Variants in RGS9 observed in about 807,000 individuals in gnomAD.
The protein encoded by RGS9 is regulator of G-protein signalling 9.
A neutral mutation model predicts 102.0 loss-of-function variants in RGS9; 78 were observed. The ratio of observed to expected loss-of-function variants is 0.76; its 90% CI spans 0.64 to 0.92. The LOEUF (loss-of-function observed/expected upper bound fraction) is 0.92. RGS9 is among the 40% of genes least tolerant of loss of function. The pLI, the probability that RGS9 is intolerant of heterozygous loss-of-function variation, is 0.00. For missense variants in RGS9, 833 were observed against 866.1 expected (o/e 0.96, Z 0.48); for synonymous variants, 353 against 318.6 (o/e 1.11, Z -1.15).
At chr17:65,208,711 C>T (rs954496) in intron 16 of RGS9, among the ~76,000 whole-genome samples, 4,279 of 152,246 alleles carry the variant, frequency 0.028, 206 homozygotes, top group African/African-American at 0.096. Flanking sequence ...CACTGGCAAT[C>T]GTGTGTCCTG....
chr17:65,146,309 G>T (rs1295126950), intron 1 of RGS9, among the ~76,000 whole-genome samples: 2 of 152,186 alleles, frequency 1.3e-5, no homozygotes, highest in Non-Finnish European at 2.9e-5. Context: ...GAAAATCTTG[G>T]CCTGGCGTGG....
In RGS9 at chr17:65,180,242, G is replaced by A. The variant is rs369407085; in HGVS notation, c.654+2439G>A. ...GAAGCATCTCCATGAAGACCTGGGA[G>A]TGCAGAGGCTTTGGATTTTTGTCTC... On this transcript the variant is annotated intron_variant, in intron 9 of 18. Transcript: ENST00000262406. 4.1e-4 allele frequency among the ~76,000 whole-genome samples: 62 copies of A among 152,298 alleles called. 1 individual carries two copies. Among genetic ancestry groups the A allele is most frequent in the African/African-American group, 1.4e-3 (59 of 41,560 alleles).
At chr17:65,170,048 CTTTTTTTTTTT>C (rs993959757) in intron 8 of RGS9, among the ~76,000 whole-genome samples, 34 of 122,128 alleles carry the variant, frequency 2.8e-4, no homozygotes, top group Admixed American at 7.5e-4. Flanking sequence ...CTTCTGCATT[CTTTTTTTTTTT>C]TTTTTTTTTT....
At chr17:65,207,778 C>T in intron 15 of RGS9, 144 bp from the exon 16 acceptor site, 3 of 609,314 alleles carry the variant, frequency 4.9e-6, no homozygotes, top group South Asian at 4.9e-5. Context: ...CTCAACACCT[C>T]CCCCAACACC....
rs1256405645 is a variant in RGS9, at chr17:65,215,478, A to ATCTT, written c.1407+4880_1407+4883dup. On this transcript the variant is annotated intron_variant, in intron 17 of 18. Transcript: ENST00000262406. ...TTTCTCTTTCTTTCTTTCTTTCTCT[A>ATCTT]TCTTTCTTTCGTTCTTTCGTTCTTT... is the stretch of plus-strand genomic sequence containing the variant. Among the ~76,000 whole-genome samples the ATCTT allele has an allele frequency of 4.2e-3, 483 of 114,884 alleles. 5 individuals carry two copies. Among genetic ancestry groups the ATCTT allele is most frequent in the Non-Finnish European group, 4.7e-3 (259 of 55,652 alleles). 75.4% of individuals were successfully genotyped at this position (114,884 alleles called of 152,430 possible). A position where few individuals can be genotyped will look rare whatever the true frequency, so the allele number is the denominator to read the frequency against.
At chr17:65,204,435 G>A in intron 15 of RGS9, 134 bp downstream of exon 15, 1 of 1,057,682 alleles carries the variant, frequency 9.5e-7, no homozygotes, top group Admixed American at 2.0e-5. Context: ...ATGCAGCTAA[G>A]CATGGGGGCT....
At position 65,225,368 on chromosome 17, in the gene RGS9, G is replaced by C. The variant is rs200037151; in HGVS notation, c.1774G>C (p.Ala592Pro). The C allele has an allele frequency of 1.2e-6, 2 of 1,611,756 alleles. No homozygotes were observed. Among genetic ancestry groups the C allele is most frequent in the Middle Eastern group, 1.6e-4 (1 of 6,082 alleles). The change falls in exon 18 of 19, where the codon GCC (alanine) becomes CCC (proline). Residue 592 changes from alanine (A) to proline (P), a missense_variant. By Grantham distance (27) the Ala-to-Pro change is conservative. Transcript: ENST00000262406. ...CAGGTTTCTGAGACGAGGCTGTCTGGCCTCACCTGTCTTTGCCAGGCTCTC... is the reference window on the plus strand; with the variant it reads ...CAGGTTTCTGAGACGAGGCTGTCTGCCCTCACCTGTCTTTGCCAGGCTCTC... ...FSRFLRRGCL[A>P]SPVFARLSPK...
intron 9 of RGS9, chr17:65,188,904 C>T (rs912007829): frequency 3.9e-5 from 10 of 255,660 alleles, no homozygotes; most frequent in East Asian, 9.9e-5. Flanking sequence ...CTTGAGCCAC[C>T]GCACCTGGCC....
intron 15 of RGS9, among the ~76,000 whole-genome samples, chr17:65,205,831 AGGTTATGTGATATT>A (rs1245082786): frequency 2.0e-5 from 3 of 152,060 alleles, no homozygotes; most frequent in African/African-American, 4.8e-5. Flanking sequence ...TATATGATAT[AGGTTATGTGATATT>A]GGTTATGTGA....
Position 65,190,293 on chromosome 17 carries a change from G to T in RGS9, c.746+57G>T, listed in dbSNP as rs1203091094. 2.9e-6 allele frequency: 4 copies of T among 1,385,574 alleles called. No homozygotes were observed. In the African/African-American group the frequency reaches 4.3e-5, roughly 15 times the overall value. 85.8% of individuals were successfully genotyped at this position (1,385,574 alleles called of 1,614,324 possible). ...TCTGATGAACAGGTAGACAAGAGGA[G>T]AACTTCTGCAAACTCGACAAGTCCT... On this transcript the variant is annotated intron_variant, in intron 11 of 18. Transcript: ENST00000262406.
chr17:65,188,350 C>T (rs1044425696), intron 9 of RGS9, among the ~76,000 whole-genome samples: 5 of 152,226 alleles, frequency 3.3e-5, no homozygotes, highest in Non-Finnish European at 4.4e-5. Flanking sequence ...CCTGCTCCAA[C>T]AGCTTCAGCA....
chr17:65,182,007 T>G (rs1408239795), intron 9 of RGS9, among the ~76,000 whole-genome samples: 1 of 152,198 alleles, frequency 6.6e-6, no homozygotes, highest in Admixed American at 6.5e-5. Context: ...CTTCTGCCTT[T>G]TCACCTTCTC....
At chr17:65,172,037 T>A (rs1282480484) in intron 8 of RGS9, among the ~76,000 whole-genome samples, 2 of 152,236 alleles carry the variant, frequency 1.3e-5, no homozygotes, top group East Asian at 3.8e-4. Flanking sequence ...TTGCCAGAGA[T>A]GTCTGCCCTC....
intron 1 of RGS9, among the ~76,000 whole-genome samples, chr17:65,148,218 G>A (rs1412667647): frequency 6.6e-6 from 1 of 152,178 alleles, no homozygotes; most frequent in Non-Finnish European, 1.5e-5. Flanking sequence ...TTAGCCCTAG[G>A]TTCATCCATT....
intron 11 of RGS9, among the ~76,000 whole-genome samples, chr17:65,192,431 AT>A (rs1912403662): frequency 6.6e-6 from 1 of 151,898 alleles, no homozygotes; most frequent in East Asian, 1.9e-4. Flanking sequence ...CCTGGGCAAC[AT>A]AGTGAGACCA....
intron 17 of RGS9, among the ~76,000 whole-genome samples, chr17:65,211,414 T>A (rs2144111195): frequency 6.6e-6 from 1 of 152,354 alleles, no homozygotes; most frequent in East Asian, 1.9e-4. Context: ...AATGGCCCTC[T>A]GAGGAGCATC....
At position 65,173,888 on chromosome 17, in the gene RGS9, A is replaced by C. The variant is rs543909359; in HGVS notation, c.583-3844A>C. Reference sequence around the variant, plus strand: ...GAGTCTCTGAAACCAGCAGAGGCAGAAAGGCAGCCCTCTCACCAGTTTCGA... The same window carrying C: ...GAGTCTCTGAAACCAGCAGAGGCAGCAAGGCAGCCCTCTCACCAGTTTCGA... On this transcript the variant is annotated intron_variant, in intron 8 of 18. Coordinates refer to ENST00000262406, the MANE Select transcript of RGS9 (RefSeq NM_003835.4). This position sits in a 1 kb window ranked among gnomAD's most constrained non-coding sequence, Gnocchi z 4.8. Among the ~76,000 whole-genome samples the C allele has an allele frequency of 5.9e-5, 9 of 152,380 alleles. No homozygotes were observed. In the South Asian group the frequency reaches 1.9e-3, roughly 32 times the overall value.
rs558620911 is a variant in RGS9, at chr17:65,188,617, CT to C, written c.655-663del. 492 of 152,698 alleles carry C rather than the reference CT, an allele frequency of 3.2e-3. 1 individual carries two copies. The highest frequency in any genetic ancestry group is 0.01 in the Middle Eastern group (3 of 294). The allele number at this position is 152,698 out of a possible 1,614,324, so 9.5% of individuals were successfully genotyped here. ...CTATCTCTTCTCTCTTTCTCTCTCT[CT>C]TTTTTCTTTTTTGAGACAAGGTCTT... On this transcript the variant is annotated intron_variant, in intron 9 of 18. Coordinates refer to ENST00000262406, the MANE Select transcript of RGS9 (RefSeq NM_003835.4).
intron 4 of RGS9, 93 bp downstream of exon 4, chr17:65,160,432 A>G: frequency 2.6e-6 from 4 of 1,563,126 alleles, no homozygotes; most frequent in Non-Finnish European, 1.8e-6. Flanking sequence ...GACTTCAGAA[A>G]TGGTGGAGGG....
Sources: gnomAD v4.1 joint callset for allele counts (sites outside exome capture counted in the v4.1 genomes callset) on GRCh38, gnomAD v4.1.1 for gene constraint, Gnocchi (gnomAD v3.1) non-coding constraint, MANE v1.5 for transcripts, NCBI Gene and HGNC (gene_info 2026-07-23, HGNC 2026-07-21) for gene names.